The following IFNGR2 variants were observed in gnomAD, a reference collection of about 807,000 sequenced individuals.
IFNGR2 encodes the protein interferon gamma receptor 2, also known as IFN-gamma receptor 2.
In IFNGR2, 15 loss-of-function variants were observed where a neutral mutation model predicts 41.1. That is an observed-to-expected ratio of 0.37 (90% CI 0.24 to 0.56). IFNGR2 has a LOEUF of 0.56. Ranked by LOEUF, IFNGR2 falls within the 20% of genes least tolerant of loss-of-function variation. IFNGR2 has a pLI of 0.81. For synonymous variants in IFNGR2, 161 were observed against 171.6 expected, an observed-to-expected ratio of 0.94 and a Z score of 0.48; for missense variants, 362 against 415.7, an observed-to-expected ratio of 0.87 and a Z score of 1.12.
intron 6 of IFNGR2, among the ~76,000 whole-genome samples, chr21:33,433,390 C>T (rs1473193243): frequency 1.3e-5 from 2 of 152,210 alleles, no homozygotes; most frequent in Non-Finnish European, 2.9e-5. Context: ...ATAGATAAAT[C>T]TTTAATAGAT....
At chr21:33,415,080 T>C (rs979242329) in intron 2 of IFNGR2, 60 bp downstream of exon 2, 3 of 1,589,340 alleles carry the variant, frequency 1.9e-6, no homozygotes, top group Non-Finnish European at 2.6e-6. Flanking sequence ...TGCGGAACCC[T>C]GGGGCCACAT....
chr21:33,418,276 C>T (rs545380404), intron 2 of IFNGR2, among the ~76,000 whole-genome samples: 6 of 152,184 alleles, frequency 3.9e-5, no homozygotes, highest in Admixed American at 6.5e-5. Flanking sequence ...AGGCTGGTCT[C>T]GAACTCCTGA....
At chr21:33,423,403 T>C (rs1414084884) in intron 3 of IFNGR2, among the ~76,000 whole-genome samples, 2 of 151,196 alleles carry the variant, frequency 1.3e-5, no homozygotes, top group African/African-American at 4.9e-5. Context: ...TTTGTTGTTG[T>C]TGTTTTTGAG....
intron 1 of IFNGR2, among the ~76,000 whole-genome samples, chr21:33,405,195 T>C (rs1419880645): frequency 6.6e-6 from 1 of 152,184 alleles, no homozygotes; most frequent in African/African-American, 2.4e-5. Context: ...GCTTTTGTTT[T>C]GCTGGGTTCT....
intron 3 of IFNGR2, among the ~76,000 whole-genome samples, chr21:33,423,035 A>ATTTTTTTTTTTT (rs1402537450): frequency 8.5e-6 from 1 of 118,146 alleles, no homozygotes. Context: ...TCTTCCCTCT[A>ATTTTTTTTTTTT]CTTTTTTTTT....
chr21:33,427,844 C>T (rs8126616), intron 4 of IFNGR2, among the ~76,000 whole-genome samples: 75,265 of 125,724 alleles, frequency 0.6, 23,655 homozygotes, highest in East Asian at 0.84. Flanking sequence ...CTCATTTCAT[C>T]TTTTTTTTTT....
intron 2 of IFNGR2, 134 bp downstream of exon 2, chr21:33,415,154 C>G: frequency 8.8e-7 from 1 of 1,135,364 alleles, no homozygotes; most frequent in Non-Finnish European, 1.3e-6. Flanking sequence ...GTTCTTGGAG[C>G]TTGTAAAATC....
intron 3 of IFNGR2, among the ~76,000 whole-genome samples, chr21:33,424,500 G>T (rs1364500786): frequency 6.6e-6 from 1 of 152,096 alleles, no homozygotes; most frequent in African/African-American, 2.4e-5. Flanking sequence ...CACAGTGGTG[G>T]TCTCATGTCA....
intron 1 of IFNGR2, among the ~76,000 whole-genome samples, chr21:33,413,431 G>C (rs2083730668): frequency 6.6e-6 from 1 of 152,232 alleles, no homozygotes; most frequent in Admixed American, 6.5e-5. Context: ...TCTTTCAGAA[G>C]AAGAGCCAGT....
rs567016132 is a variant in IFNGR2 at position 33,436,743 on chromosome 21, A to T, written c.880-85A>T. The T allele has an allele frequency of 2.3e-4, 265 of 1,138,566 alleles. No individual in the cohort carries two copies. In the African/African-American group the frequency reaches 2.3e-3, roughly 10 times the overall value. 70.5% of individuals were successfully genotyped at this position (1,138,566 alleles called of 1,614,324 possible). A position where few individuals can be genotyped will look rare whatever the true frequency, so the allele number is the denominator to read the frequency against. On this transcript the variant is annotated intron_variant, in intron 6 of 6. Transcript: ENST00000290219. ...TCAAAAAAAAAATAAAAATAAAAAT[A>T]AAATAAAAACAAAAACTAAAGTTAA...
At chr21:33,432,384 C>T (rs151260100) in intron 5 of IFNGR2, 48 bp downstream of exon 5, 12 of 1,547,384 alleles carry the variant, frequency 7.8e-6, no homozygotes, top group Non-Finnish European at 9.8e-6. Flanking sequence ...AAAGAATACT[C>T]CTCCAATAGT....
In IFNGR2 at chr21:33,409,425, C is replaced by A. The variant is rs181981755; in HGVS notation, c.74-5463C>A. Among the ~76,000 whole-genome samples, 837 of 152,166 alleles carry A rather than the reference C, an allele frequency of 5.5e-3. 10 individuals carry two copies. The highest frequency in any genetic ancestry group is 7.1e-3 in the Non-Finnish European group (482 of 68,004). ...TGGAGGTTGCAGTAAGCCGAGATCACGCCACTGCGACACTGCACTCCAGCC... is the reference window on the plus strand; with the variant it reads ...TGGAGGTTGCAGTAAGCCGAGATCAAGCCACTGCGACACTGCACTCCAGCC... On this transcript the variant is annotated intron_variant, in intron 1 of 6. Coordinates refer to ENST00000290219, the MANE Select transcript of IFNGR2 (RefSeq NM_005534.4).
chr21:33,431,048 T>C (rs2083881661), intron 4 of IFNGR2, among the ~76,000 whole-genome samples: 1 of 152,206 alleles, frequency 6.6e-6, no homozygotes, highest in Non-Finnish European at 1.5e-5. Flanking sequence ...CAGCAAGGCC[T>C]GCTCAAGGCA....
In IFNGR2 at chr21:33,423,194, C is replaced by T. The variant is rs993709913; in HGVS notation, c.412+1509C>T. Reference sequence around the variant, plus strand: ...AGCTGGGACTACAGGCGCCCGCCACCACACCCGGCTAATTTTTTGTATTTT... The same window carrying T: ...AGCTGGGACTACAGGCGCCCGCCACTACACCCGGCTAATTTTTTGTATTTT... On this transcript the variant is annotated intron_variant, in intron 3 of 6. Coordinates refer to ENST00000290219, the MANE Select transcript of IFNGR2 (RefSeq NM_005534.4). Among the ~76,000 whole-genome samples the T allele has an allele frequency of 6.0e-5, 9 of 150,468 alleles. 1 individual carries two copies. The highest frequency in any genetic ancestry group is 4.2e-4 in the South Asian group (2 of 4,732).
Position 33,403,415 on chromosome 21 carries a change from T to C in IFNGR2, c.-129T>C, listed in dbSNP as rs17882748. 219,587 of 380,554 alleles carry C rather than the reference T, an allele frequency of 0.58. 66,555 individuals carry two copies. Among genetic ancestry groups the C allele is most frequent in the African/African-American group, 0.89 (40,649 of 45,844 alleles). 23.6% of individuals were successfully genotyped at this position (380,554 alleles called of 1,614,324 possible). A position where few individuals can be genotyped will look rare whatever the true frequency, so the allele number is the denominator to read the frequency against. ...CCCCTCCACCGGGACGCCCCGCTGC[T>C]GCTCGGGAAGAGGCGGGCCCTGCGC... On this transcript the variant is annotated 5_prime_UTR_variant, in exon 1 of 7. Transcript: ENST00000290219.
Position 33,405,105 on chromosome 21 carries a change from A to G in IFNGR2, c.73+1489A>G, listed in dbSNP as rs1404251856. Among the ~76,000 whole-genome samples the G allele has an allele frequency of 4.9e-4, 10 of 20,248 alleles. No individual in the cohort carries two copies. In the African/African-American group the frequency reaches 0.014, roughly 29 times the overall value. 13.3% of individuals were successfully genotyped at this position (20,248 alleles called of 152,430 possible). A position where few individuals can be genotyped will look rare whatever the true frequency, so the allele number is the denominator to read the frequency against. ...CGACAGAGCAAGACTCTGTCTCAGA[A>G]AAAAAAAAAAAAAAAAAAGAAAAAG... On this transcript the variant is annotated intron_variant, in intron 1 of 6. Transcript: ENST00000290219.
intron 1 of IFNGR2, chr21:33,411,488 T>C (rs1485890198): frequency 6.4e-6 from 3 of 470,734 alleles, no homozygotes; most frequent in African/African-American, 2.0e-5. Context: ...GGAATAATGG[T>C]CCCCAAAGAT....
At chr21:33,422,877 C>CAAAAAAAAAAAAAAAAAAA (rs71194843) in intron 3 of IFNGR2, among the ~76,000 whole-genome samples, 1 of 34,954 alleles carries the variant, frequency 2.9e-5, no homozygotes, top group South Asian at 2.0e-3. Context: ...AACTCCATCT[C>CAAAAAAAAAAAAAAAAAAA]AAAAAAAAAA....
intron 6 of IFNGR2, among the ~76,000 whole-genome samples, chr21:33,434,301 C>A (rs1484525069): frequency 6.6e-6 from 1 of 152,114 alleles, no homozygotes; most frequent in Non-Finnish European, 1.5e-5. Flanking sequence ...GTGGGCAGAT[C>A]ACCTGAGGTC....
Sources: allele counts gnomAD v4.1 joint callset (sites outside exome capture counted in the v4.1 genomes callset), GRCh38; gene constraint gnomAD v4.1.1; transcripts MANE v1.5; gene names NCBI Gene and HGNC (gene_info 2026-07-23, HGNC 2026-07-21).